Variants in RGS22 observed in about 807,000 individuals in gnomAD.
RGS22 encodes the protein regulator of G protein signaling 22, also known as regulator of G-protein signaling 22.
RGS22 carries 148 observed loss-of-function variants against 172.9 expected under a neutral mutation model. That is an observed-to-expected ratio of 0.86 (90% confidence interval 0.75 to 0.98). The LOEUF (loss-of-function observed/expected upper bound fraction) is 0.98. RGS22 is among the 50% of genes least tolerant of loss of function. The pLI, the probability that RGS22 is intolerant of heterozygous loss-of-function variation, is 0.00. For synonymous variants in RGS22, 458 were observed against 480.2 expected (o/e 0.95, Z 0.60); for missense variants, 1,347 against 1,440.8 (o/e 0.93, Z 1.05).
Position 100,054,071 on chromosome 8 carries a change from G to A in RGS22, c.1515-1095C>T, listed in dbSNP as rs531782089. Among the ~76,000 whole-genome samples the A allele has an allele frequency of 9.2e-5, 14 of 152,248 alleles. No homozygotes were observed. The East Asian group carries it at 2.7e-3, about 29-fold the overall frequency. On this transcript the variant is annotated intron_variant, in intron 9 of 27. Coordinates refer to ENST00000360863, the MANE Select transcript of RGS22 (RefSeq NM_015668.5). Reference sequence around the variant, plus strand: ...AAATCAAAGACCAACATTACTGACAGAAACTTAGGGAAAAGAATGTCTGGC... The same window carrying A: ...AAATCAAAGACCAACATTACTGACAAAAACTTAGGGAAAAGAATGTCTGGC...
intron 20 of RGS22, among the ~76,000 whole-genome samples, chr8:99,988,051 AT>A (rs1813298990): frequency 6.6e-6 from 1 of 151,352 alleles, no homozygotes; most frequent in Non-Finnish European, 1.5e-5. Context: ...GTAGTTAAAC[AT>A]TTAATATTTC....
chr8:100,044,111 T>TG (rs1820454597), intron 11 of RGS22, among the ~76,000 whole-genome samples: 1 of 152,104 alleles, frequency 6.6e-6, no homozygotes, highest in Admixed American at 6.5e-5. Context: ...ATAAAAGGCC[T>TG]GGGCCCAAAA....
chr8:100,020,895 T>C (rs1302462968), intron 14 of RGS22, among the ~76,000 whole-genome samples: 2 of 152,368 alleles, frequency 1.3e-5, no homozygotes, highest in African/African-American at 4.8e-5. Flanking sequence ...AAATATTATA[T>C]GATGGGGTGC....
chr8:99,984,777 C>T (rs1812900427), intron 21 of RGS22, among the ~76,000 whole-genome samples: 1 of 146,234 alleles, frequency 6.8e-6, no homozygotes, highest in Middle Eastern at 3.2e-3. Flanking sequence ...TAAATCCTTC[C>T]AGTCTTTACG....
At chr8:100,090,988 A>T (rs1049465810) in intron 3 of RGS22, among the ~76,000 whole-genome samples, 1 of 152,126 alleles carries the variant, frequency 6.6e-6, no homozygotes, top group Non-Finnish European at 1.5e-5. Flanking sequence ...ACATTAATTT[A>T]TGGTTCCCTA....
intron 2 of RGS22, among the ~76,000 whole-genome samples, chr8:100,104,974 T>C (rs1813808319): frequency 1.3e-5 from 2 of 152,212 alleles, no homozygotes; most frequent in Admixed American, 1.3e-4. Context: ...TTTAGTACAT[T>C]TGTAAAGGAA....
chr8:100,101,143 A>C lies in RGS22; in HGVS notation c.54+4231T>G, dbSNP rs73276944. 3.6e-3 allele frequency among the ~76,000 whole-genome samples: 554 copies of C among 152,320 alleles called. 4 individuals are homozygous for C. The highest frequency in any genetic ancestry group is 0.012 in the African/African-American group (505 of 41,584). On this transcript the variant is annotated intron_variant, in intron 2 of 27. Transcript: ENST00000360863. Reference sequence around the variant, plus strand: ...AGAAAAAGATATTATTTTGAATGTAAAAGTCAGGCTCTTAAATCTTCGCTA... The same window carrying C: ...AGAAAAAGATATTATTTTGAATGTACAAGTCAGGCTCTTAAATCTTCGCTA...
At position 100,060,421 on chromosome 8, in the gene RGS22, T is replaced by TATATATATATATAC. The variant is rs1245783464; in HGVS notation, c.1514+2169_1514+2170insGTATATATATATAT. Among the ~76,000 whole-genome samples, 90 of 119,498 alleles carry TATATATATATATAC rather than the reference T, an allele frequency of 7.5e-4. 1 individual carries two copies. The highest frequency in any genetic ancestry group is 2.2e-3 in the African/African-American group (77 of 34,584). 78.4% of individuals were successfully genotyped at this position (119,498 alleles called of 152,430 possible). On this transcript the variant is annotated intron_variant, in intron 9 of 27. Coordinates refer to ENST00000360863, the MANE Select transcript of RGS22 (RefSeq NM_015668.5). ...CTACGTGTATATATATATATATATA[T>TATATATATATATAC]ACACACACACACACACACACGCACC...
chr8:99,990,745 G>A (rs1269465027), intron 20 of RGS22, among the ~76,000 whole-genome samples: 1 of 152,192 alleles, frequency 6.6e-6, no homozygotes, highest in Admixed American at 6.5e-5. Context: ...AACGTCTGAA[G>A]AGAGCAGTGG....
intron 20 of RGS22, among the ~76,000 whole-genome samples, chr8:99,993,779 T>G (rs1275735126): frequency 2.0e-5 from 3 of 152,156 alleles, no homozygotes; most frequent in Non-Finnish European, 4.4e-5. Context: ...GCCAACGTCA[T>G]CCTGATACCA....
chr8:99,968,484 G>C (rs939237978), intron 23 of RGS22, among the ~76,000 whole-genome samples: 1 of 152,000 alleles, frequency 6.6e-6, no homozygotes, highest in African/African-American at 2.4e-5. Flanking sequence ...TAAGAACATT[G>C]ACAAAAGGTT....
At chr8:100,065,057 C>T (rs762807455) in intron 7 of RGS22, among the ~76,000 whole-genome samples, 37 of 152,304 alleles carry the variant, frequency 2.4e-4, no homozygotes, top group Non-Finnish European at 3.2e-4. Context: ...AGTAAATCTG[C>T]GCCTTGAATT....
chr8:99,980,988 T>G (rs558282325), intron 22 of RGS22, among the ~76,000 whole-genome samples: 5 of 152,342 alleles, frequency 3.3e-5, no homozygotes, highest in African/African-American at 9.6e-5. Context: ...CCACTTTTAG[T>G]TCCTTAGAGG....
intron 7 of RGS22, among the ~76,000 whole-genome samples, chr8:100,064,654 CT>C (rs1810411947): frequency 6.6e-6 from 1 of 151,928 alleles, no homozygotes; most frequent in Admixed American, 6.6e-5. Context: ...ACATTATGTA[CT>C]TTTAAAATGT....
chr8:99,962,796 AC>A (rs746029851), intron 25 of RGS22, 29 bp from the exon 26 acceptor site: 1 of 1,589,780 alleles, frequency 6.3e-7, no homozygotes, highest in Non-Finnish European at 8.5e-7. Context: ...GATAAGAAAA[AC>A]AGTAAAGTAA....
At chr8:100,093,269 C>A in intron 3 of RGS22, 178 bp downstream of exon 3, 1 of 489,480 alleles carries the variant, frequency 2.0e-6, no homozygotes, top group Non-Finnish European at 3.7e-6. Context: ...AGAATAATTT[C>A]TAAATATGAT....
At chr8:99,979,283 A>G (rs575785365) in intron 22 of RGS22, among the ~76,000 whole-genome samples, 2 of 152,242 alleles carry the variant, frequency 1.3e-5, no homozygotes, top group Admixed American at 6.5e-5. Flanking sequence ...CAGTTCTTGA[A>G]TATATATATT....
chr8:100,025,747 A>G lies in RGS22; in HGVS notation c.2166+13184T>C, dbSNP rs1197108844. Among the ~76,000 whole-genome samples, 5 of 152,368 alleles carry G rather than the reference A, an allele frequency of 3.3e-5. No homozygotes were observed. The East Asian group carries it at 9.6e-4, about 29-fold the overall frequency. ...AAAAATCTTCAACACTGCCCCACTTATGCCATAAAGTTTTTTCAATGGAAT... is the reference window on the plus strand; with the variant it reads ...AAAAATCTTCAACACTGCCCCACTTGTGCCATAAAGTTTTTTCAATGGAAT... On this transcript the variant is annotated intron_variant, in intron 14 of 27. Transcript: ENST00000360863.
intron 1 of RGS22, 107 bp from the exon 2 acceptor site, chr8:100,105,509 T>G: frequency 1.1e-6 from 1 of 876,466 alleles, no homozygotes; most frequent in South Asian, 1.5e-5. Context: ...CAGGCAAACG[T>G]AGCACATTTC....
Sources: gnomAD v4.1 joint callset for allele counts (sites outside exome capture counted in the v4.1 genomes callset) on GRCh38, gnomAD v4.1.1 for gene constraint, MANE v1.5 for transcripts, NCBI Gene and HGNC (gene_info 2026-07-23, HGNC 2026-07-21) for gene names.